The following RAD23B variants were observed in gnomAD, a reference collection of about 807,000 sequenced individuals.
RAD23B encodes lysine-specific demethylase RAD23B.
In RAD23B, 5 loss-of-function variants were observed where a neutral mutation model predicts 49.1. The ratio of observed to expected loss-of-function variants is 0.10; its 90% CI spans 0.05 to 0.21. The LOEUF (loss-of-function observed/expected upper bound fraction) is 0.21. RAD23B is among the 10% of genes least tolerant of loss of function. RAD23B has a pLI of 1.00. For synonymous variants in RAD23B, 184 were observed against 165.4 expected (o/e 1.11, Z -0.86); for missense variants, 356 against 486.7 (o/e 0.73, Z 2.53).
At chr9:107,320,745 G>A (rs938527157) in intron 6 of RAD23B, among the ~76,000 whole-genome samples, 62 of 152,132 alleles carry the variant, frequency 4.1e-4, no homozygotes, top group African/African-American at 1.2e-3. Context: ...TTTGATGGAC[G>A]CCCTGGATCC....
intron 1 of RAD23B, among the ~76,000 whole-genome samples, chr9:107,292,506 C>G (rs990683591): frequency 1.3e-5 from 2 of 151,968 alleles, no homozygotes; most frequent in Admixed American, 6.6e-5. Context: ...TGATGAAACC[C>G]TGTCTCTACT....
At position 107,316,172 on chromosome 9, in the gene RAD23B, G is replaced by A. The variant is rs1377698112; in HGVS notation, c.554-2580G>A. On this transcript the variant is annotated intron_variant, in intron 5 of 9. Transcript: ENST00000358015. The stretch of plus-strand genomic sequence containing the variant: ...CTACAGGCACGTGCCACCATGCCCA[G>A]CTAATTTTTTTTGTATTTTTAGTAG... Among the ~76,000 whole-genome samples the A allele has an allele frequency of 2.6e-5, 4 of 151,994 alleles. No individual in the cohort carries two copies. In the East Asian group the frequency reaches 5.8e-4, roughly 22 times the overall value.
chr9:107,326,874 C>T (rs926172585), intron 9 of RAD23B, among the ~76,000 whole-genome samples: 4 of 151,776 alleles, frequency 2.6e-5, no homozygotes, highest in Non-Finnish European at 4.4e-5. Context: ...CTCATGACTT[C>T]GTGATCCACC....
chr9:107,323,800 TGA>T, intron 7 of RAD23B, 88 bp from the exon 8 acceptor site: 1 of 1,179,386 alleles, frequency 8.5e-7, no homozygotes, highest in Non-Finnish European at 1.2e-6. Context: ...ATTTTTTCTT[TGA>T]TAGTGTTTGC....
intron 3 of RAD23B, among the ~76,000 whole-genome samples, chr9:107,304,612 C>T (rs1826721607): frequency 6.6e-6 from 1 of 152,190 alleles, no homozygotes; most frequent in South Asian, 2.1e-4. Context: ...GACAAGGCAG[C>T]TCATTGGTTT....
intron 9 of RAD23B, among the ~76,000 whole-genome samples, chr9:107,325,976 A>C (rs879351425): frequency 6.7e-6 from 1 of 150,296 alleles, no homozygotes; most frequent in African/African-American, 2.5e-5. Context: ...TTCTTTCTTT[A>C]TTAAGATGAT....
intron 9 of RAD23B, among the ~76,000 whole-genome samples, chr9:107,325,313 C>CAAAAAAAAAAAAAAAAAA (rs34042765): frequency 4.9e-5 from 3 of 61,386 alleles, no homozygotes; most frequent in African/African-American, 2.0e-4. Context: ...GACTCTGTCT[C>CAAAAAAAAAAAAAAAAAA]AAAAAAAAAA....
intron 5 of RAD23B, among the ~76,000 whole-genome samples, chr9:107,316,199 G>T (rs1826991337): frequency 6.6e-6 from 1 of 151,666 alleles, no homozygotes; most frequent in Non-Finnish European, 1.5e-5. Context: ...TTTTAGTAGA[G>T]GCGGGGTTTC....
Position 107,318,635 on chromosome 9 carries a change from A to G in RAD23B, c.554-117A>G, listed in dbSNP as rs970310219. 1 of 1,133,282 alleles carries G rather than the reference A, an allele frequency of 8.8e-7. No individual in the cohort carries two copies. Among genetic ancestry groups the G allele is most frequent in the Non-Finnish European group, 1.2e-6 (1 of 805,116 alleles). 70.2% of individuals were successfully genotyped at this position (1,133,282 alleles called of 1,614,324 possible). On this transcript the variant is annotated intron_variant, in intron 5 of 9. Coordinates refer to ENST00000358015, the MANE Select transcript of RAD23B (RefSeq NM_002874.5). This position sits in a 1 kb window ranked among gnomAD's most constrained non-coding sequence, Gnocchi z 4.3. ...TATGTTGTAATTTATACTGTTACTCATCTTTGTATTCCCAGCATAGTAGTT... is the reference window on the plus strand; with the variant it reads ...TATGTTGTAATTTATACTGTTACTCGTCTTTGTATTCCCAGCATAGTAGTT...
In RAD23B at chr9:107,328,231, TG is replaced by T. The variant is rs1827245377; in HGVS notation, c.1117-1311del. 2.6e-5 allele frequency among the ~76,000 whole-genome samples: 4 copies of T among 152,344 alleles called. No homozygotes were observed. The South Asian group carries it at 8.3e-4, about 32-fold the overall frequency. On this transcript the variant is annotated intron_variant, in intron 9 of 9. Transcript: ENST00000358015. ...GTTATTCGTGATGAATTGGGATTTTTGCCCAAATTTTAAGGGTTATTTCCAA... is the reference window on the plus strand; with the variant it reads ...GTTATTCGTGATGAATTGGGATTTTTCCCAAATTTTAAGGGTTATTTCCAA...
At chr9:107,311,659 A>AT in intron 4 of RAD23B, 23 bp from the exon 5 acceptor site, 2 of 1,552,138 alleles carry the variant, frequency 1.3e-6, no homozygotes, top group South Asian at 2.4e-5. Context: ...TTAAAATGTG[A>AT]TTTTTCTAAA....
At chr9:107,297,799 G>A (rs555554195) in intron 1 of RAD23B, among the ~76,000 whole-genome samples, 4 of 150,324 alleles carry the variant, frequency 2.7e-5, no homozygotes, top group Non-Finnish European at 4.4e-5. Context: ...AGAGAGTCCC[G>A]TTACTTATTT....
At chr9:107,302,178 A>C in intron 3 of RAD23B, 64 bp downstream of exon 3, 1 of 1,601,128 alleles carries the variant, frequency 6.2e-7, no homozygotes, top group Non-Finnish European at 8.5e-7. Flanking sequence ...TGATGATCAC[A>C]AGTCCACACA....
chr9:107,302,690 C>G (rs1167943144), intron 3 of RAD23B, among the ~76,000 whole-genome samples: 1 of 145,926 alleles, frequency 6.9e-6, no homozygotes, highest in Admixed American at 6.9e-5. Context: ...GAGTCTCGCT[C>G]TGTTGCCCAG....
chr9:107,285,667 A>G (rs565679821), intron 1 of RAD23B, among the ~76,000 whole-genome samples: 2 of 152,316 alleles, frequency 1.3e-5, no homozygotes, highest in East Asian at 3.9e-4. Context: ...CTGGAAGTAT[A>G]TTTTTGAAAA....
intron 5 of RAD23B, among the ~76,000 whole-genome samples, chr9:107,314,876 T>C (rs1453973220): frequency 6.6e-6 from 1 of 152,234 alleles, no homozygotes; most frequent in African/African-American, 2.4e-5. Flanking sequence ...TTAATTTGCA[T>C]TTCTCTGATG....
intron 1 of RAD23B, among the ~76,000 whole-genome samples, chr9:107,295,410 A>T (rs1268699010): frequency 6.6e-6 from 1 of 152,206 alleles, no homozygotes; most frequent in Non-Finnish European, 1.5e-5. Context: ...AAATACTTGG[A>T]GGCGAACCAG....
At chr9:107,325,850 C>T (rs1407309547) in intron 9 of RAD23B, among the ~76,000 whole-genome samples, 1 of 152,174 alleles carries the variant, frequency 6.6e-6, no homozygotes, top group Non-Finnish European at 1.5e-5. Flanking sequence ...TCTTTCATCA[C>T]TAAGTATGAT....
At chr9:107,327,226 C>T (rs1047622212) in intron 9 of RAD23B, among the ~76,000 whole-genome samples, 1 of 150,808 alleles carries the variant, frequency 6.6e-6, no homozygotes, top group Admixed American at 6.7e-5. Context: ...TTTGTTGATT[C>T]TCCCTATTGT....
Sources: gnomAD v4.1 joint callset for allele counts (sites outside exome capture counted in the v4.1 genomes callset) on GRCh38, gnomAD v4.1.1 for gene constraint, Gnocchi (gnomAD v3.1) non-coding constraint, MANE v1.5 for transcripts, NCBI Gene and HGNC (gene_info 2026-07-23, HGNC 2026-07-21) for gene names.